CREB1: variants seen among roughly 807,000 people sequenced by gnomAD.
CREB1 encodes cyclic AMP-responsive element-binding protein 1.
CREB1 carries 2 observed loss-of-function variants against 42.0 expected under a neutral mutation model. The ratio of observed to expected loss-of-function variants is 0.05; its 90% confidence interval spans 0.02 to 0.15. The LOEUF (loss-of-function observed/expected upper bound fraction) is 0.15, where lower values mean the gene tolerates loss of function less well. Among genes scored for constraint, CREB1 ranks in the 10% least tolerant of loss-of-function variants. The probability of loss-of-function intolerance (pLI) is 1.00; values close to 1 mark genes in which losing one functional copy is unlikely to be tolerated. For synonymous variants in CREB1, 123 were observed against 139.9 expected, an observed-to-expected ratio of 0.88 and a Z score of 0.85; for missense variants, 199 against 388.9, an observed-to-expected ratio of 0.51 and a Z score of 4.11.
At chr2:207,590,153 G>A (rs1439270699) in intron 7 of CREB1, among the ~76,000 whole-genome samples, 1 of 113,722 alleles carries the variant, frequency 8.8e-6, no homozygotes, top group Non-Finnish European at 1.7e-5. Context: ...AGTGAGTTTT[G>A]GAAGTTTGTG....
chr2:207,574,327 T>C (rs913940400), intron 5 of CREB1, among the ~76,000 whole-genome samples: 6 of 152,248 alleles, frequency 3.9e-5, no homozygotes, highest in Non-Finnish European at 8.8e-5. Flanking sequence ...TTGTGATTTT[T>C]GGTCCTTCTC....
intron 7 of CREB1, among the ~76,000 whole-genome samples, chr2:207,595,723 C>G (rs984915116): frequency 6.6e-6 from 1 of 152,152 alleles, no homozygotes; most frequent in Non-Finnish European, 1.5e-5. Flanking sequence ...TGCCACCACA[C>G]TTGGCTAAAT....
intron 6 of CREB1, among the ~76,000 whole-genome samples, chr2:207,576,241 C>CTTTTTTTTTTTTTTTTTTTGGTT (rs35735523): frequency 9.9e-6 from 1 of 101,068 alleles, no homozygotes; most frequent in Non-Finnish European, 1.9e-5. Context: ...CTTTTTTTGG[C>CTTTTTTTTTTTTTTTTTTTGGTT]TTTTTTTTTT....
At chr2:207,582,750 C>A in intron 7 of CREB1, 1 of 189,418 alleles carries the variant, frequency 5.3e-6, no homozygotes, top group Non-Finnish European at 1.1e-5. Flanking sequence ...AAAATTTAGC[C>A]GGGGTGGTGG....
intron 5 of CREB1, among the ~76,000 whole-genome samples, chr2:207,573,724 C>A (rs779437977): frequency 1.3e-5 from 2 of 152,170 alleles, no homozygotes; most frequent in African/African-American, 4.8e-5. Context: ...CAGAACAAGA[C>A]CCTGTCTCAA....
At position 207,547,575 on chromosome 2, in the gene CREB1, G is replaced by A. The variant is rs1249262533; in HGVS notation, c.-8-8053G>A. On this transcript the variant is annotated intron_variant, in intron 1 of 7. Transcript: ENST00000353267. ...TTCTGTGAGATCAATTCTTCCAAGT[G>A]TTCAAAGTGTAAAAAGCTGTGAAAC... is the stretch of plus-strand genomic sequence containing the variant. 2.0e-5 allele frequency among the ~76,000 whole-genome samples: 3 copies of A among 152,104 alleles called. No homozygotes were observed. In the East Asian group the frequency reaches 5.8e-4, roughly 29 times the overall value.
chr2:207,536,612 G>A (rs1390088865), intron 1 of CREB1, among the ~76,000 whole-genome samples: 2 of 152,186 alleles, frequency 1.3e-5, no homozygotes, highest in Non-Finnish European at 2.9e-5. Context: ...CCAAGTTGGT[G>A]TTTATGCGTT....
At position 207,570,266 on chromosome 2, in the gene CREB1, C is replaced by T. The variant is rs1322538800; in HGVS notation, c.450C>T (p.Ala150=). 7 of 1,613,754 alleles carry T rather than the reference C, an allele frequency of 4.3e-6. No individual in the cohort carries two copies. The highest frequency in any genetic ancestry group is 3.3e-5 in the Admixed American group (2 of 60,014). ...CTGAAGAGGAGACTTCAGCACCTGC[C>T]ATCACCACTGTAACGGTGCCAACTC... The part of the protein sequence containing the change: ...EKSEEETSAP[A]ITTVTVPTPI... The change falls in exon 5 of 8, where the codon GCC becomes GCT. Residue 150 remains alanine (A), a synonymous_variant. Transcript: ENST00000353267.
intron 1 of CREB1, among the ~76,000 whole-genome samples, chr2:207,530,833 C>G (rs2106313707): frequency 6.6e-6 from 1 of 151,996 alleles, no homozygotes; most frequent in East Asian, 1.9e-4. Flanking sequence ...GGTTTCCTCT[C>G]GTGCTGTATT....
rs2086312546 is a variant in CREB1, at chr2:207,597,150, T to C, written c.*92T>C. 1 of 1,374,074 alleles carries C rather than the reference T, an allele frequency of 7.3e-7. No individual in the cohort carries two copies. Among genetic ancestry groups the C allele is most frequent in the African/African-American group, 1.5e-5 (1 of 66,072 alleles). The allele number at this position is 1,374,074 out of a possible 1,614,324, so 85.1% of individuals were successfully genotyped here. Reference sequence around the variant, plus strand: ...AAATAAACATTTTATTTTCTAAACATTTCTTTTTTTCTATGCGCAAAACTG... The same window carrying C: ...AAATAAACATTTTATTTTCTAAACACTTCTTTTTTTCTATGCGCAAAACTG... On this transcript the variant is annotated 3_prime_UTR_variant, in exon 8 of 8. Coordinates refer to ENST00000353267, the MANE Select transcript of CREB1 (RefSeq NM_004379.5).
rs573855708 is a variant in CREB1, at chr2:207,570,879, A to G, written c.505+558A>G. 2.0e-3 allele frequency among the ~76,000 whole-genome samples: 300 copies of G among 152,256 alleles called. 1 individual carries two copies. Among genetic ancestry groups the G allele is most frequent in the African/African-American group, 6.9e-3 (287 of 41,544 alleles). ...AAAATTGCTCTTACAAAATTATTTAAAAGTTTTCATTTCTATGATGTCTCT... is the reference window on the plus strand; with the variant it reads ...AAAATTGCTCTTACAAAATTATTTAGAAGTTTTCATTTCTATGATGTCTCT... On this transcript the variant is annotated intron_variant, in intron 5 of 7. Transcript: ENST00000353267.
At chr2:207,596,864 AAT>A in intron 7 of CREB1, 48 bp from the exon 8 acceptor site, 1 of 1,576,052 alleles carries the variant, frequency 6.3e-7, no homozygotes. Flanking sequence ...ATCCAAAATA[AAT>A]ATGTGGAAAT....
chr2:207,570,354 A>G lies in CREB1; in HGVS notation c.505+33A>G, dbSNP rs765332411. 4 of 1,543,580 alleles carry G rather than the reference A, an allele frequency of 2.6e-6. No individual in the cohort carries two copies. The Admixed American group carries it at 6.0e-5, about 23-fold the overall frequency. On this transcript the variant is annotated intron_variant, in intron 5 of 7. Coordinates refer to ENST00000353267, the MANE Select transcript of CREB1 (RefSeq NM_004379.5). The stretch of plus-strand genomic sequence containing the variant: ...ATAGACAATTTCTGTTTCTATTGTG[A>G]GGAGAAAAAAGTGAGGAGAAAAAGC...
At chr2:207,596,790 C>A in intron 7 of CREB1, 124 bp from the exon 8 acceptor site, 3 of 1,116,062 alleles carry the variant, frequency 2.7e-6, no homozygotes, top group Admixed American at 2.7e-5. Flanking sequence ...TTTTCCAATG[C>A]TTAATATATA....
intron 2 of CREB1, among the ~76,000 whole-genome samples, chr2:207,556,991 A>G (rs1347360129): frequency 6.6e-6 from 1 of 152,088 alleles, no homozygotes; most frequent in Admixed American, 6.6e-5. Flanking sequence ...ACAAAAATTA[A>G]CCAGGCGTGG....
chr2:207,571,221 A>G (rs2082351283), intron 5 of CREB1, among the ~76,000 whole-genome samples: 1 of 151,954 alleles, frequency 6.6e-6, no homozygotes, highest in Non-Finnish European at 1.5e-5. Context: ...TATGCATAAA[A>G]GTTTGAGGCC....
At chr2:207,567,846 T>C (rs2082199584) in intron 4 of CREB1, 1 of 201,408 alleles carries the variant, frequency 5.0e-6, no homozygotes, top group African/African-American at 2.3e-5. Context: ...GATAAGGTTA[T>C]AGCATTTTTT....
At position 207,603,558 on chromosome 2, in the gene CREB1, A is replaced by T; in HGVS notation, c.*6500A>T. 1 of 223,598 alleles carries T rather than the reference A, an allele frequency of 4.5e-6. No individual in the cohort carries two copies. Among genetic ancestry groups the T allele is most frequent in the East Asian group, 6.5e-5 (1 of 15,346 alleles). The allele number at this position is 223,598 out of a possible 1,614,324, so 13.9% of individuals were successfully genotyped here. A position where few individuals can be genotyped will look rare whatever the true frequency, so the allele number is the denominator to read the frequency against. On this transcript the variant is annotated 3_prime_UTR_variant, in exon 8 of 8. Transcript: ENST00000353267. ...ACAAGCTTGTGTTGGAAGGCAGCAA[A>T]ACTAATTCAGACAACAACATGTCTT...
At position 207,605,311 on chromosome 2, in the gene CREB1, A is replaced by C. The variant is rs1217899670; in HGVS notation, c.*8253A>C. On this transcript the variant is annotated 3_prime_UTR_variant, in exon 8 of 8. Coordinates refer to ENST00000353267, the MANE Select transcript of CREB1 (RefSeq NM_004379.5). ...TTTGATTTGCATTTCCCTGATTACT[A>C]ATGATGTGGAGCATCTTTTGTTGTC... 2.0e-5 allele frequency among the ~76,000 whole-genome samples: 3 copies of C among 152,146 alleles called. No individual in the cohort carries two copies. Among genetic ancestry groups the C allele is most frequent in the Non-Finnish European group, 2.9e-5 (2 of 68,026 alleles).
Sources: gnomAD v4.1 joint callset for allele counts (sites outside exome capture counted in the v4.1 genomes callset) on GRCh38, gnomAD v4.1.1 for gene constraint, MANE v1.5 for transcripts, NCBI Gene and HGNC (gene_info 2026-07-23, HGNC 2026-07-21) for gene names.